ZNF444: variants seen among roughly 807,000 people sequenced by gnomAD.
ZNF444 encodes the protein zinc finger protein 444.
ZNF444 carries 8 observed loss-of-function variants against 14.4 expected under a neutral mutation model. The observed-to-expected ratio is 0.56, with a 90% CI of 0.33 to 1.00. The LOEUF (loss-of-function observed/expected upper bound fraction) is 1.00. ZNF444 is among the 50% of genes least tolerant of loss of function. The pLI is 0.03. For synonymous variants in ZNF444, 258 were observed against 235.9 expected, an observed-to-expected ratio of 1.09 and a Z score of -0.86; for missense variants, 510 against 504.8, an observed-to-expected ratio of 1.01 and a Z score of -0.10.
At position 56,153,940 on chromosome 19, in the gene ZNF444, C is replaced by G. The variant is rs115812104; in HGVS notation, c.298-4554C>G. ...GACAGGTTGATAATCAAGGTCCAAA[C>G]TCAATATTTGAAAAGAATAGTAGAA... On this transcript the variant is annotated intron_variant, in intron 3 of 4. Transcript: ENST00000337080. Among the ~76,000 whole-genome samples, 871 of 152,292 alleles carry G rather than the reference C, an allele frequency of 5.7e-3. 15 individuals are homozygous for G. The highest frequency in any genetic ancestry group is 0.02 in the African/African-American group (845 of 41,558).
chr19:56,148,585 A>G (rs2031359213), intron 3 of ZNF444, among the ~76,000 whole-genome samples: 1 of 147,334 alleles, frequency 6.8e-6, no homozygotes. Flanking sequence ...GCCCCCAGAC[A>G]CTCCCCCCTC....
intron 4 of ZNF444, among the ~76,000 whole-genome samples, chr19:56,158,856 C>A (rs191329318): frequency 6.6e-6 from 1 of 151,932 alleles, no homozygotes; most frequent in African/African-American, 2.4e-5. Flanking sequence ...ATTCCTCTAT[C>A]ATATACCCAC....
At chr19:56,157,677 A>T (rs2031994552) in intron 3 of ZNF444, 1 of 152,284 alleles carries the variant, frequency 6.6e-6, no homozygotes, top group Non-Finnish European at 1.5e-5. Context: ...TGCTGGGATT[A>T]CAGGTGTGAG....
chr19:56,158,478 T>C lies in ZNF444; in HGVS notation c.298-16T>C, dbSNP rs1443848925. 2 of 1,596,338 alleles carry C rather than the reference T, an allele frequency of 1.3e-6. No homozygotes were observed. The highest frequency in any genetic ancestry group is 1.4e-5 in the African/African-American group (1 of 73,936). The stretch of plus-strand genomic sequence containing the variant: ...TTGCTCAGGTTTCTGAGTTCAAAAC[T>C]GTGCTCTCATTTCAGGGGCCAGCAG... On this transcript the variant is annotated splice_polypyrimidine_tract_variant and intron_variant, in intron 3 of 4. Coordinates refer to ENST00000337080, the MANE Select transcript of ZNF444 (RefSeq NM_018337.4).
intron 1 of ZNF444, among the ~76,000 whole-genome samples, chr19:56,134,451 G>C (rs965788602): frequency 6.6e-6 from 1 of 152,174 alleles, no homozygotes. Context: ...GAGTCGCTCA[G>C]CATGAGGTGG....
Position 56,147,341 on chromosome 19 carries a change from G to GC in ZNF444, c.297+134dup. ...TCGCGGTGGGGAGGCTGCGGTACAG[G>GC]CTGCGGTACAGCGTGGAGGGACAGT... On this transcript the variant is annotated intron_variant, in intron 3 of 4. Transcript: ENST00000337080. This position sits in a 1 kb window ranked among gnomAD's most constrained non-coding sequence, Gnocchi z 5.9. The GC allele has an allele frequency of 1.9e-6, 2 of 1,077,228 alleles. No individual in the cohort carries two copies. Among genetic ancestry groups the GC allele is most frequent in the Non-Finnish European group, 2.5e-6 (2 of 802,620 alleles). 66.7% of individuals were successfully genotyped at this position (1,077,228 alleles called of 1,614,324 possible).
upstream of ZNF444, among the ~76,000 whole-genome samples, chr19:56,138,858 G>A (rs1568545987): frequency 6.9e-6 from 1 of 145,806 alleles, no homozygotes; most frequent in East Asian, 2.0e-4. Context: ...GTGCAGCGGT[G>A]CAATCTTAGC....
Position 56,141,368 on chromosome 19 carries a change from G to C in ZNF444, c.-197+11G>C, listed in dbSNP as rs1273650007. ...GCCTGAGAGAGTGAGGTGAGCGAGG[G>C]GGGAAGGAGGGAGGGATTGGGTGGG... is the stretch of plus-strand genomic sequence containing the variant. On this transcript the variant is annotated intron_variant, in intron 1 of 4. Transcript: ENST00000337080. 1 of 107,268 alleles carries C rather than the reference G, an allele frequency of 9.3e-6. No homozygotes were observed. The highest frequency in any genetic ancestry group is 3.9e-5 in the African/African-American group (1 of 25,738). 6.6% of individuals were successfully genotyped at this position (107,268 alleles called of 1,614,324 possible). A position where few individuals can be genotyped will look rare whatever the true frequency, so the allele number is the denominator to read the frequency against.
At chr19:56,157,912 ATT>A (rs2032008925) in intron 3 of ZNF444, 1 of 152,138 alleles carries the variant, frequency 6.6e-6, no homozygotes. Flanking sequence ...AACTTTTTAA[ATT>A]TTTGGTCTTC....
At chr19:56,158,304 G>T (rs2032031175) in intron 3 of ZNF444, 190 bp from the exon 4 acceptor site, 3 of 514,590 alleles carry the variant, frequency 5.8e-6, no homozygotes, top group African/African-American at 2.0e-5. Flanking sequence ...CTCCCTGGCA[G>T]GGGGTTGGCA....
rs562375246 is a variant in ZNF444, at chr19:56,145,311, C to T, written c.-196-936C>T. ...TTTAAAAATGGCAATCACGGCTGGG[C>T]GTGGTGGCTCATGCCGGTAATCCCA... On this transcript the variant is annotated intron_variant, in intron 1 of 4. Coordinates refer to ENST00000337080, the MANE Select transcript of ZNF444 (RefSeq NM_018337.4). This position sits in a 1 kb window ranked among gnomAD's most constrained non-coding sequence, Gnocchi z 4.3. Among the ~76,000 whole-genome samples, 23 of 152,292 alleles carry T rather than the reference C, an allele frequency of 1.5e-4. No homozygotes were observed. The East Asian group carries it at 4.4e-3, about 29-fold the overall frequency.
upstream of ZNF444, chr19:56,140,837 C>G (rs940886266): frequency 6.6e-6 from 1 of 152,308 alleles, no homozygotes; most frequent in Non-Finnish European, 1.5e-5. Context: ...GGTGCCCGGC[C>G]TCCCCTGATC....
In ZNF444 at chr19:56,144,761, C is replaced by T. The variant is rs746144860; in HGVS notation, c.-196-1486C>T. Among the ~76,000 whole-genome samples, 4 of 152,172 alleles carry T rather than the reference C, an allele frequency of 2.6e-5. No individual in the cohort carries two copies. Among genetic ancestry groups the T allele is most frequent in the Admixed American group, 6.5e-5 (1 of 15,270 alleles). On this transcript the variant is annotated intron_variant, in intron 1 of 4. Coordinates refer to ENST00000337080, the MANE Select transcript of ZNF444 (RefSeq NM_018337.4). This position sits in a 1 kb window ranked among gnomAD's most constrained non-coding sequence, Gnocchi z 4.0. Reference sequence around the variant, plus strand: ...GCTATATAGTTCCTTATGATACAGTCCAAGCTGCTGTAATGAAGAGACCCC... The same window carrying T: ...GCTATATAGTTCCTTATGATACAGTTCAAGCTGCTGTAATGAAGAGACCCC...
At chr19:56,142,598 G>A (rs748230874) in intron 1 of ZNF444, among the ~76,000 whole-genome samples, 1 of 152,208 alleles carries the variant, frequency 6.6e-6, no homozygotes, top group Non-Finnish European at 1.5e-5. Context: ...GTCGAGGTTG[G>A]GAACCTAGAG....
At chr19:56,153,269 C>G (rs1056688041) in intron 3 of ZNF444, among the ~76,000 whole-genome samples, 1 of 152,066 alleles carries the variant, frequency 6.6e-6, no homozygotes, top group East Asian at 1.9e-4. Context: ...TTGGCCTTGT[C>G]GAGTTTGTTT....
chr19:56,158,959 T>C (rs546765211), intron 4 of ZNF444, among the ~76,000 whole-genome samples: 2 of 151,728 alleles, frequency 1.3e-5, no homozygotes, highest in East Asian at 3.9e-4. Context: ...CCCTCTGTCA[T>C]CCATCATCAT....
Position 56,159,516 on chromosome 19 carries a change from C to T in ZNF444, c.407-108C>T, listed in dbSNP as rs973868858. 2.2e-5 allele frequency: 22 copies of T among 998,024 alleles called. No individual in the cohort carries two copies. In the African/African-American group the frequency reaches 3.4e-4, roughly 15 times the overall value. 61.8% of individuals were successfully genotyped at this position (998,024 alleles called of 1,614,324 possible). On this transcript the variant is annotated intron_variant, in intron 4 of 4. Transcript: ENST00000337080. ...CCCACAGCCCAGCCCTCTTCCCACC[C>T]CAATGGTTTCTGCCTTTAAGCGTTC...
Position 56,147,515 on chromosome 19 carries a change from G to A in ZNF444, c.297+307G>A, listed in dbSNP as rs1185670777. On this transcript the variant is annotated intron_variant, in intron 3 of 4. Transcript: ENST00000337080. This position sits in a 1 kb window ranked among gnomAD's most constrained non-coding sequence, Gnocchi z 5.9. ...CGTGCTGGAAGCAGCTGGGAAGAAG[G>A]CCACGAAGGCTCCAGGGAGCGCAGT... Among the ~76,000 whole-genome samples the A allele has an allele frequency of 6.6e-6, 1 of 152,084 alleles. No individual in the cohort carries two copies. Among genetic ancestry groups the A allele is most frequent in the Non-Finnish European group, 1.5e-5 (1 of 68,012 alleles).
chr19:56,160,359 C>A lies in ZNF444; in HGVS notation c.*158C>A. On this transcript the variant is annotated 3_prime_UTR_variant, in exon 5 of 5. Transcript: ENST00000337080. ...CTGAACTTCCCAACGCCTTCCTATT[C>A]CTTTCCAACTCCTTTTCCCCCAAAT... The A allele has an allele frequency of 1.8e-6, 1 of 562,072 alleles. No individual in the cohort carries two copies. Among genetic ancestry groups the A allele is most frequent in the Admixed American group, 4.2e-5 (1 of 23,700 alleles). 34.8% of individuals were successfully genotyped at this position (562,072 alleles called of 1,614,324 possible). A position where few individuals can be genotyped will look rare whatever the true frequency, so the allele number is the denominator to read the frequency against.
Sources: allele counts gnomAD v4.1 joint callset (sites outside exome capture counted in the v4.1 genomes callset), GRCh38; gene constraint gnomAD v4.1.1; non-coding constraint Gnocchi (gnomAD v3.1); transcripts MANE v1.5; gene names NCBI Gene and HGNC (gene_info 2026-07-23, HGNC 2026-07-21).